Variants in PRKD3 observed in about 807,000 individuals in gnomAD.
PRKD3 encodes the protein serine/threonine-protein kinase D3.
Under a neutral mutation model 99.2 loss-of-function variants are expected in PRKD3, and 47 were observed. The observed-to-expected ratio is 0.47, with a 90% CI of 0.38 to 0.60. The LOEUF is 0.60. Ranked by LOEUF, PRKD3 falls within the 20% of genes least tolerant of loss-of-function variation. The probability of loss-of-function intolerance (pLI) is 0.00; values close to 1 mark genes in which losing one functional copy is unlikely to be tolerated. For synonymous variants in PRKD3, 392 were observed against 355.4 expected (o/e 1.10, Z -1.16); for missense variants, 1,019 against 1,088.4 (o/e 0.94, Z 0.90).
chr2:37,280,061 T>C (rs955776117), intron 7 of PRKD3, 132 bp from the exon 8 acceptor site: 7 of 632,540 alleles, frequency 1.1e-5, no homozygotes, highest in African/African-American at 1.9e-5. Context: ...TCTCTTTTTT[T>C]TTTTTTTTGA....
intron 5 of PRKD3, among the ~76,000 whole-genome samples, chr2:37,288,957 G>C (rs560168689): frequency 6.6e-6 from 1 of 152,096 alleles, no homozygotes; most frequent in East Asian, 1.9e-4. Context: ...GGGAGGCTGA[G>C]GCAGGAGAAT....
chr2:37,253,471 A>T (rs1667679819), intron 18 of PRKD3, 121 bp from the exon 19 acceptor site: 1 of 742,026 alleles, frequency 1.3e-6, no homozygotes, highest in Non-Finnish European at 2.1e-6. Flanking sequence ...GACAGGCGCT[A>T]CTCATAAGTA....
At chr2:37,277,256 A>T (rs1558545994) in intron 9 of PRKD3, among the ~76,000 whole-genome samples, 1 of 152,194 alleles carries the variant, frequency 6.6e-6, no homozygotes, top group Non-Finnish European at 1.5e-5. Flanking sequence ...GGTGGTTACC[A>T]TTATTATGCC....
In PRKD3 at chr2:37,263,986, A is replaced by G. The variant is rs564338691; in HGVS notation, c.1884+3444T>C. 3.9e-5 allele frequency among the ~76,000 whole-genome samples: 6 copies of G among 152,310 alleles called. No homozygotes were observed. In the South Asian group the frequency reaches 1.2e-3, roughly 32 times the overall value. On this transcript the variant is annotated intron_variant, in intron 14 of 18. Transcript: ENST00000234179. Reference sequence around the variant, plus strand: ...AGGTTTTTGATAACGTTTTCTAATTACATAGGTACCTACAAGAACACCACA... The same window carrying G: ...AGGTTTTTGATAACGTTTTCTAATTGCATAGGTACCTACAAGAACACCACA...
Position 37,289,538 on chromosome 2 carries a change from T to C in PRKD3, c.560-25A>G, listed in dbSNP as rs768975998. The C allele has an allele frequency of 3.9e-6, 6 of 1,556,446 alleles. No individual in the cohort carries two copies. The Admixed American group carries it at 5.9e-5, about 15-fold the overall frequency. On this transcript the variant is annotated intron_variant, in intron 4 of 18. Transcript: ENST00000234179. ...CCTAAACATATTTTACAAGGTAAAA[T>C]ATAAGATTTAAAAAAAAATTTACTA...
In PRKD3 at chr2:37,316,416, A is replaced by C; in HGVS notation, c.109T>G (p.Ser37Ala). The C allele has an allele frequency of 6.2e-7, 1 of 1,614,250 alleles. No individual in the cohort carries two copies. The highest frequency in any genetic ancestry group is 8.5e-7 in the Non-Finnish European group (1 of 1,180,048). Residue 37 changes from serine to alanine, a missense_variant, in exon 2 of 19, where the codon TCT becomes GCT. Ser to Ala is a moderately conservative substitution (Grantham distance 99). Around this residue, in one of 3 missense-constraint regions of PRKD3, gnomAD observed 710 missense variants for 692.7 expected, o/e 1.02. Coordinates refer to ENST00000234179, the MANE Select transcript of PRKD3 (RefSeq NM_005813.6). ...SPCSSPKTGL[S>A]ARLSNGSFSA... ...AAGCTTCCATTAGAGAGTCGGGCAG[A>C]GAGTCCCGTCTTAGGACTTGAACAC...
intron 2 of PRKD3, among the ~76,000 whole-genome samples, chr2:37,312,733 G>A (rs1324698154): frequency 1.3e-5 from 2 of 152,142 alleles, no homozygotes; most frequent in African/African-American, 4.8e-5. Flanking sequence ...TGAGTACAAT[G>A]TTAATGAATC....
At chr2:37,254,102 T>G in intron 18 of PRKD3, 102 bp downstream of exon 18, 1 of 850,232 alleles carries the variant, frequency 1.2e-6, no homozygotes, top group Non-Finnish European at 2.0e-6. Context: ...TTAAGAGCAC[T>G]TTTATTATTC....
At chr2:37,260,412 C>T in intron 14 of PRKD3, 28 bp from the exon 15 acceptor site, 1 of 1,577,560 alleles carries the variant, frequency 6.3e-7, no homozygotes, top group Non-Finnish European at 8.7e-7. Flanking sequence ...GATACATGAG[C>T]AACTTAAGCA....
chr2:37,275,209 AAAAC>A (rs563779710), intron 10 of PRKD3, among the ~76,000 whole-genome samples: 4 of 152,230 alleles, frequency 2.6e-5, no homozygotes, highest in East Asian at 1.9e-4. Context: ...AAACTTACTA[AAAAC>A]AAACAAACAA....
chr2:37,282,822 TACA>T (rs1399193434), intron 6 of PRKD3, among the ~76,000 whole-genome samples: 1 of 152,188 alleles, frequency 6.6e-6, no homozygotes, highest in African/African-American at 2.4e-5. Context: ...ATACCATGTG[TACA>T]ACACCGCCGA....
intron 14 of PRKD3, among the ~76,000 whole-genome samples, chr2:37,266,865 T>C (rs1256100567): frequency 6.6e-6 from 1 of 152,208 alleles, no homozygotes; most frequent in African/African-American, 2.4e-5. Flanking sequence ...TATTATAAAT[T>C]ATTTATATGA....
At chr2:37,319,964 C>T (rs1209634479) in intron 1 of PRKD3, among the ~76,000 whole-genome samples, 1 of 152,146 alleles carries the variant, frequency 6.6e-6, no homozygotes, top group Admixed American at 6.5e-5. Context: ...AAGGATTGAG[C>T]TACGGGGTAC....
intron 11 of PRKD3, among the ~76,000 whole-genome samples, chr2:37,273,644 A>C (rs1669417647): frequency 6.6e-6 from 1 of 152,156 alleles, no homozygotes; most frequent in African/African-American, 2.4e-5. Flanking sequence ...TTTGTATTTT[A>C]GCTCAGGGCC....
intron 3 of PRKD3, among the ~76,000 whole-genome samples, chr2:37,292,379 T>C (rs1670472068): frequency 6.6e-6 from 1 of 151,390 alleles, no homozygotes; most frequent in African/African-American, 2.4e-5. Flanking sequence ...AGAGTCTCAC[T>C]CTGTTGCCCA....
At chr2:37,265,459 A>G (rs958686082) in intron 14 of PRKD3, among the ~76,000 whole-genome samples, 7 of 152,180 alleles carry the variant, frequency 4.6e-5, no homozygotes, top group African/African-American at 1.4e-4. Context: ...ATATTCATAT[A>G]CAAAGTTAGC....
At chr2:37,262,132 G>A (rs1231098859) in intron 14 of PRKD3, among the ~76,000 whole-genome samples, 1 of 152,176 alleles carries the variant, frequency 6.6e-6, no homozygotes, top group Non-Finnish European at 1.5e-5. Flanking sequence ...GCAAAATGAG[G>A]AGCATCCTGT....
chr2:37,318,116 TG>T (rs1354076000), intron 1 of PRKD3, among the ~76,000 whole-genome samples: 1 of 152,104 alleles, frequency 6.6e-6, no homozygotes, highest in African/African-American at 2.4e-5. Flanking sequence ...CCAATGTGGC[TG>T]CAGAGTAACT....
chr2:37,293,560 A>C (rs1182406746), intron 2 of PRKD3, among the ~76,000 whole-genome samples: 1 of 152,232 alleles, frequency 6.6e-6, no homozygotes, highest in Non-Finnish European at 1.5e-5. Flanking sequence ...GGAGAATATA[A>C]TCTTAAACTT....
Sources: allele counts gnomAD v4.1 joint callset (sites outside exome capture counted in the v4.1 genomes callset), GRCh38; gene constraint gnomAD v4.1.1; regional missense constraint gnomAD v4.1.1; transcripts MANE v1.5; gene names NCBI Gene and HGNC (gene_info 2026-07-23, HGNC 2026-07-21).